TMCO5A: variants seen among roughly 807,000 people sequenced by gnomAD.
TMCO5A encodes transmembrane and coiled-coil domain-containing protein 5A.
TMCO5A carries 34 observed loss-of-function variants against 42.3 expected under a neutral mutation model. The observed-to-expected ratio is 0.80, with a 90% confidence interval of 0.61 to 1.07. TMCO5A has a LOEUF of 1.07. Ranked by LOEUF, TMCO5A falls within the 50% of genes least tolerant of loss-of-function variation. TMCO5A has a pLI of 0.00. For missense variants in TMCO5A, 357 were observed against 327.9 expected (o/e 1.09, Z -0.69); for synonymous variants, 131 against 115.6 (o/e 1.13, Z -0.86).
At chr15:37,943,238 C>T (rs1011988502) in intron 9 of TMCO5A, 103 bp from the exon 10 acceptor site, 1 of 1,012,358 alleles carries the variant, frequency 9.9e-7, no homozygotes, top group East Asian at 2.6e-5. Flanking sequence ...CAATATTGGA[C>T]AGTACAGATT....
At chr15:37,942,969 A>G (rs916090913) in intron 9 of TMCO5A, 5 of 167,430 alleles carry the variant, frequency 3.0e-5, no homozygotes, top group Admixed American at 5.8e-5. Context: ...CTCTATATAT[A>G]TATAGTCCAG....
intron 8 of TMCO5A, 46 bp from the exon 9 acceptor site, chr15:37,942,145 A>T: frequency 6.4e-7 from 1 of 1,573,002 alleles, no homozygotes; most frequent in African/African-American, 1.4e-5. Flanking sequence ...GAAAAATTGT[A>T]AACCTTCTAA....
At chr15:37,964,167 C>G (rs1295996442) in intron 11 of TMCO5A, among the ~76,000 whole-genome samples, 1 of 152,124 alleles carries the variant, frequency 6.6e-6, no homozygotes, top group Non-Finnish European at 1.5e-5. Context: ...GGCTGTTGTA[C>G]AGATTCTTTT....
chr15:37,995,946 A>G, the TMCO5A span, among the ~76,000 whole-genome samples: 1 of 152,196 alleles, frequency 6.6e-6, no homozygotes, highest in Non-Finnish European at 1.5e-5. Context: ...AAGAAGAATG[A>G]AAACAGTTCC....
chr15:37,947,838 A>C, intron 11 of TMCO5A, 142 bp downstream of exon 11: 1 of 549,800 alleles, frequency 1.8e-6, no homozygotes, highest in Admixed American at 3.7e-5. Context: ...CAGCAAACTA[A>C]TGTCTTTGAC....
chr15:37,989,739 C>G, the TMCO5A span, among the ~76,000 whole-genome samples: 1 of 151,988 alleles, frequency 6.6e-6, no homozygotes, highest in African/African-American at 2.4e-5. Context: ...GTGGGAAGTC[C>G]AATATCAAGG....
intron 11 of TMCO5A, among the ~76,000 whole-genome samples, chr15:37,965,312 A>G (rs939416245): frequency 1.3e-5 from 2 of 152,196 alleles, no homozygotes; most frequent in Non-Finnish European, 2.9e-5. Context: ...TGAAACTAGC[A>G]CAAGAAAACA....
At chr15:37,939,269 C>T (rs1889644434) in intron 6 of TMCO5A, among the ~76,000 whole-genome samples, 1 of 152,114 alleles carries the variant, frequency 6.6e-6, no homozygotes, top group Non-Finnish European at 1.5e-5. Flanking sequence ...TGGAGAATTA[C>T]TCCCCTATCT....
chr15:37,951,979 T>A (rs1384704190), downstream of TMCO5A, among the ~76,000 whole-genome samples: 1 of 152,052 alleles, frequency 6.6e-6, no homozygotes, highest in Non-Finnish European at 1.5e-5. Context: ...TGTGAGACAT[T>A]GAACTCAGTG....
the TMCO5A span, among the ~76,000 whole-genome samples, chr15:38,033,237 T>C: frequency 3.9e-5 from 6 of 152,268 alleles, no homozygotes; most frequent in East Asian, 1.9e-4. Flanking sequence ...AGGTGGAAAA[T>C]GAGTCAGATA....
intron 11 of TMCO5A, among the ~76,000 whole-genome samples, chr15:37,963,481 A>G (rs914841293): frequency 2.0e-5 from 3 of 152,120 alleles, no homozygotes; most frequent in African/African-American, 7.2e-5. Context: ...CATATGGTAT[A>G]TCTTGGAGAA....
intron 8 of TMCO5A, 126 bp from the exon 9 acceptor site, chr15:37,942,065 G>A (rs1889765266): frequency 1.1e-6 from 1 of 872,668 alleles, no homozygotes; most frequent in Non-Finnish European, 1.8e-6. Context: ...TTTTATGAAA[G>A]CAGAGAAAGT....
At chr15:37,951,508 G>A (rs1890158142), downstream of TMCO5A, 1 of 353,190 alleles carries the variant, frequency 2.8e-6, no homozygotes, top group Non-Finnish European at 5.1e-6. Context: ...GCTAAGAAAA[G>A]TTAATTGATA....
chr15:37,978,883 T>A, the TMCO5A span, among the ~76,000 whole-genome samples: 1 of 151,960 alleles, frequency 6.6e-6, no homozygotes, highest in Non-Finnish European at 1.5e-5. Context: ...TGACTCATGG[T>A]GGAAGGCAAA....
the TMCO5A span, among the ~76,000 whole-genome samples, chr15:38,027,381 T>C: frequency 2.0e-5 from 3 of 152,186 alleles, no homozygotes; most frequent in Admixed American, 2.0e-4. Flanking sequence ...GCATGGGCCC[T>C]GTAACCCCTT....
At chr15:37,979,335 G>A in the TMCO5A span, among the ~76,000 whole-genome samples, 1 of 151,832 alleles carries the variant, frequency 6.6e-6, no homozygotes, top group African/African-American at 2.4e-5. Flanking sequence ...TAACAGGTCT[G>A]CCCACTATTG....
At chr15:37,941,858 A>T (rs1427987504) in intron 8 of TMCO5A, 128 bp downstream of exon 8, 1 of 778,716 alleles carries the variant, frequency 1.3e-6, no homozygotes, top group Non-Finnish European at 2.2e-6. Flanking sequence ...AGGATACTTT[A>T]AGGTCATCAG....
chr15:37,983,029 GCT>G, the TMCO5A span, among the ~76,000 whole-genome samples: 3 of 151,698 alleles, frequency 2.0e-5, no homozygotes, highest in African/African-American at 7.3e-5. Flanking sequence ...GAACCATTCA[GCT>G]CTCTCTCTTA....
At chr15:37,962,661 C>A (rs1277835325) in intron 11 of TMCO5A, among the ~76,000 whole-genome samples, 3 of 152,056 alleles carry the variant, frequency 2.0e-5, no homozygotes, top group Non-Finnish European at 2.9e-5. Context: ...GTGAATCCAT[C>A]TGGTCCTGGA....
Sources: allele counts gnomAD v4.1 joint callset (sites outside exome capture counted in the v4.1 genomes callset), GRCh38; gene constraint gnomAD v4.1.1; transcripts MANE v1.5; gene names NCBI Gene and HGNC (gene_info 2026-07-23, HGNC 2026-07-21).